Variants in SMARCA4 observed in about 807,000 individuals in gnomAD.
SMARCA4 encodes SWI/SNF related BAF chromatin remodeling complex subunit ATPase 4.
Under a neutral mutation model 193.9 loss-of-function variants are expected in SMARCA4, and 31 were observed. The observed-to-expected ratio is 0.16, with a 90% CI of 0.12 to 0.22. The LOEUF is 0.22. Ranked by LOEUF, SMARCA4 falls within the 10% of genes least tolerant of loss-of-function variation. The probability of loss-of-function intolerance (pLI) is 1.00; values close to 1 mark genes in which losing one functional copy is unlikely to be tolerated. For synonymous variants in SMARCA4, 942 were observed against 933.1 expected, an observed-to-expected ratio of 1.01 and a Z score of -0.17; for missense variants, 1,148 against 2,296.0, an observed-to-expected ratio of 0.50 and a Z score of 10.22.
intron 1 of SMARCA4, among the ~76,000 whole-genome samples, chr19:10,976,771 T>TAAAGG (rs1599871126): frequency 3.3e-5 from 3 of 91,634 alleles, no homozygotes; most frequent in African/African-American, 4.2e-5. Flanking sequence ...AAAAAAAAAT[T>TAAAGG]GGGCCGGGCG....
At chr19:11,000,646 C>T (rs1453488653) in intron 11 of SMARCA4, among the ~76,000 whole-genome samples, 2 of 151,848 alleles carry the variant, frequency 1.3e-5, no homozygotes, top group Admixed American at 6.6e-5. Flanking sequence ...TTTGGGAGGC[C>T]GAGGCAGGCA....
chr19:11,033,890 T>A lies in SMARCA4; in HGVS notation c.3873+25T>A. 1 of 775,624 alleles carries A rather than the reference T, an allele frequency of 1.3e-6. No individual in the cohort carries two copies. Among genetic ancestry groups the A allele is most frequent in the Non-Finnish European group, 2.4e-6 (1 of 417,642 alleles). 48.0% of individuals were successfully genotyped at this position (775,624 alleles called of 1,614,324 possible). On this transcript the variant is annotated intron_variant, in intron 27 of 34. Coordinates refer to ENST00000344626, the MANE Select transcript of SMARCA4 (RefSeq NM_003072.5). This position sits in a 1 kb window ranked among gnomAD's most constrained non-coding sequence, Gnocchi z 9.8. ...GGTGAGAGGGGTAGTTCAGTCTCCA[T>A]GCCCATTCAATCCTCGGCTTCTCGG...
Position 10,986,080 on chromosome 19 carries a change from C to T in SMARCA4, c.356-109C>T, listed in dbSNP as rs1449576977. On this transcript the variant is annotated intron_variant, in intron 3 of 34. Transcript: ENST00000344626. The surrounding 1 kb of genome is among the most constrained non-coding windows in gnomAD (Gnocchi z 6.7). ...CCCTGGTTGACTCAAGAGAAGGATG[C>T]CATTTGGCTGTGCCCTGTCTCAGAG... The T allele has an allele frequency of 2.1e-6, 2 of 943,970 alleles. No homozygotes were observed. Among genetic ancestry groups the T allele is most frequent in the Non-Finnish European group, 3.4e-6 (2 of 588,972 alleles). The allele number at this position is 943,970 out of a possible 1,614,324, so 58.5% of individuals were successfully genotyped here.
intron 29 of SMARCA4, among the ~76,000 whole-genome samples, chr19:11,038,065 C>T (rs968098510): frequency 4.6e-5 from 7 of 152,210 alleles, no homozygotes; most frequent in African/African-American, 1.7e-4. Flanking sequence ...CGCCATCGGA[C>T]ATGGCCATGA....
chr19:10,986,640 G>A lies in SMARCA4; in HGVS notation c.760+47G>A, dbSNP rs1336589522. ...CTCAGGTGTCTCAGAGCGAATGGCT[G>A]GGGCGTGGGTGGCGGGGTGGACAGA... On this transcript the variant is annotated intron_variant, in intron 4 of 34. Coordinates refer to ENST00000344626, the MANE Select transcript of SMARCA4 (RefSeq NM_003072.5). This position sits in a 1 kb window ranked among gnomAD's most constrained non-coding sequence, Gnocchi z 6.7. 6.5e-7 allele frequency: 1 copy of A among 1,534,762 alleles called. No homozygotes were observed. The highest frequency in any genetic ancestry group is 1.4e-5 in the African/African-American group (1 of 73,128).
At position 10,984,849 on chromosome 19, in the gene SMARCA4, A is replaced by G. The variant is rs943038547; in HGVS notation, c.223-424A>G. 6.6e-6 allele frequency among the ~76,000 whole-genome samples: 1 copy of G among 152,204 alleles called. No individual in the cohort carries two copies. Among genetic ancestry groups the G allele is most frequent in the Non-Finnish European group, 1.5e-5 (1 of 68,036 alleles). ...GCGCTGAGCAGGGCCTTCAGTCAGCAAGGTGGAGAAGGCTCTTTATGGTCA... is the reference window on the plus strand; with the variant it reads ...GCGCTGAGCAGGGCCTTCAGTCAGCGAGGTGGAGAAGGCTCTTTATGGTCA... On this transcript the variant is annotated intron_variant, in intron 2 of 34. Transcript: ENST00000344626. The surrounding 1 kb of genome is among the most constrained non-coding windows in gnomAD (Gnocchi z 4.3).
At chr19:11,051,061 AG>A (rs1240457542) in intron 30 of SMARCA4, among the ~76,000 whole-genome samples, 1 of 152,224 alleles carries the variant, frequency 6.6e-6, no homozygotes, top group East Asian at 1.9e-4. Flanking sequence ...GGGGCCTAAA[AG>A]TCATGGATGG....
intron 9 of SMARCA4, 166 bp downstream of exon 9, chr19:10,995,167 G>C: frequency 1.4e-6 from 1 of 707,772 alleles, no homozygotes; most frequent in South Asian, 1.5e-5. Flanking sequence ...CCTGGGCTCG[G>C]ATATTTGCTG....
chr19:10,963,388 A>AG (rs1467134098), intron 1 of SMARCA4, among the ~76,000 whole-genome samples: 1 of 151,012 alleles, frequency 6.6e-6, no homozygotes, highest in Admixed American at 6.6e-5. Flanking sequence ...AAAAAAAAAA[A>AG]AAAGAAAAAG....
intron 1 of SMARCA4, among the ~76,000 whole-genome samples, chr19:10,973,910 T>C (rs576914684): frequency 6.6e-6 from 1 of 151,968 alleles, no homozygotes; most frequent in Non-Finnish European, 1.5e-5. Context: ...ACATTTTGTT[T>C]TGTAGTTCAC....
chr19:11,037,458 T>C (rs770956262), intron 29 of SMARCA4, among the ~76,000 whole-genome samples: 1 of 152,238 alleles, frequency 6.6e-6, no homozygotes, highest in African/African-American at 2.4e-5. Context: ...GTGTATCCTC[T>C]AGAAAGAGAT....
In SMARCA4 at chr19:11,041,639, A is replaced by G; in HGVS notation, c.4424+79A>G. On this transcript the variant is annotated intron_variant, in intron 30 of 34. Coordinates refer to ENST00000344626, the MANE Select transcript of SMARCA4 (RefSeq NM_003072.5). This position sits in a 1 kb window ranked among gnomAD's most constrained non-coding sequence, Gnocchi z 5.6. The stretch of plus-strand genomic sequence containing the variant: ...CCTGGCATCTGCACTCTGACTCTGC[A>G]CACTCAGGCTTGGGCCGCTCACTCT... 7.6e-7 allele frequency: 1 copy of G among 1,318,782 alleles called. No homozygotes were observed. Among genetic ancestry groups the G allele is most frequent in the Non-Finnish European group, 1.1e-6 (1 of 932,268 alleles). 81.7% of individuals were successfully genotyped at this position (1,318,782 alleles called of 1,614,324 possible).
At chr19:10,973,656 G>A (rs1009187316) in intron 1 of SMARCA4, among the ~76,000 whole-genome samples, 5 of 146,756 alleles carry the variant, frequency 3.4e-5, no homozygotes, top group Non-Finnish European at 5.9e-5. Flanking sequence ...TGCAAGCTCC[G>A]CCTCCCGGGT....
chr19:11,010,599 G>A (rs2088735597), intron 15 of SMARCA4, 68 bp downstream of exon 15: 3 of 1,509,030 alleles, frequency 2.0e-6, no homozygotes, highest in Middle Eastern at 1.7e-4. Context: ...AGGTGGTGCG[G>A]GCTTCAGACC....
Position 10,994,838 on chromosome 19 carries a change from A to G in SMARCA4, c.1430A>G (p.Asn477Ser), listed in dbSNP as rs748930248. The change falls in exon 9 of 35, where the codon AAT (asparagine) becomes AGT (serine). Residue 477 changes from asparagine to serine, a missense_variant. By Grantham distance (46) the Asn-to-Ser change is conservative. Coordinates refer to ENST00000344626, the MANE Select transcript of SMARCA4 (RefSeq NM_003072.5). ...KRRQKHQEYL[N>S]SILQHAKDFK... ...TGTGCTTTCCTGCAGGAATACCTCA[A>G]TAGCATTCTCCAGCATGCCAAGGAT... 4.3e-6 allele frequency: 7 copies of G among 1,614,050 alleles called. No individual in the cohort carries two copies. In the South Asian group the frequency reaches 4.4e-5, roughly 10 times the overall value.
At chr19:11,037,324 G>A (rs190521577) in intron 29 of SMARCA4, among the ~76,000 whole-genome samples, 37 of 152,252 alleles carry the variant, frequency 2.4e-4, no homozygotes, top group African/African-American at 8.4e-4. Flanking sequence ...AACCCTTGCT[G>A]TTCCCTCGCC....
In SMARCA4 at chr19:11,041,643, T is replaced by A. The variant is rs2146827931; in HGVS notation, c.4424+83T>A. On this transcript the variant is annotated intron_variant, in intron 30 of 34. Transcript: ENST00000344626. The surrounding 1 kb of genome is among the most constrained non-coding windows in gnomAD (Gnocchi z 5.6). ...GCATCTGCACTCTGACTCTGCACAC[T>A]CAGGCTTGGGCCGCTCACTCTTTCA... is the stretch of plus-strand genomic sequence containing the variant. The A allele has an allele frequency of 3.1e-6, 4 of 1,277,948 alleles. No homozygotes were observed. The Admixed American group carries it at 5.5e-5, about 18-fold the overall frequency. The allele number at this position is 1,277,948 out of a possible 1,614,324, so 79.2% of individuals were successfully genotyped here.
chr19:10,967,752 T>G (rs540592511), intron 1 of SMARCA4, among the ~76,000 whole-genome samples: 15 of 148,640 alleles, frequency 1.0e-4, no homozygotes, highest in African/African-American at 3.7e-4. Context: ...CGGTGTGATC[T>G]CGGCTCACTG....
intron 22 of SMARCA4, 136 bp downstream of exon 22, chr19:11,025,644 A>T: frequency 1.4e-6 from 1 of 708,014 alleles, no homozygotes; most frequent in Non-Finnish European, 2.5e-6. Flanking sequence ...TCTGTCTCTC[A>T]TTTGGTCTTC....
Sources: allele counts gnomAD v4.1 joint callset (sites outside exome capture counted in the v4.1 genomes callset), GRCh38; gene constraint gnomAD v4.1.1; non-coding constraint Gnocchi (gnomAD v3.1); transcripts MANE v1.5; gene names NCBI Gene and HGNC (gene_info 2026-07-23, HGNC 2026-07-21).